The following ASZ1 variants were observed in gnomAD, a reference collection of about 807,000 sequenced individuals.
The protein encoded by ASZ1 is ankyrin repeat, SAM and basic leucine zipper domain containing 1.
In ASZ1, 67 loss-of-function variants were observed where a neutral mutation model predicts 61.8. That is an observed-to-expected ratio of 1.08 (90% CI 0.89 to 1.33). ASZ1 has a LOEUF of 1.33. Among genes scored for constraint, ASZ1 ranks in the 40% most tolerant of loss-of-function variants. ASZ1 has a pLI of 0.00. For missense variants in ASZ1, 577 were observed against 554.5 expected, an observed-to-expected ratio of 1.04 and a Z score of -0.41; for synonymous variants, 193 against 192.7, an observed-to-expected ratio of 1.00 and a Z score of -0.01.
At chr7:117,390,246 C>T (rs751329423) in intron 4 of ASZ1, among the ~76,000 whole-genome samples, 6 of 151,796 alleles carry the variant, frequency 4.0e-5, no homozygotes, top group Admixed American at 6.6e-5. Context: ...CATGGCTCAC[C>T]GCAGCCTCAA....
intron 10 of ASZ1, among the ~76,000 whole-genome samples, chr7:117,379,305 A>AACT (rs1796207136): frequency 6.6e-6 from 1 of 151,356 alleles, no homozygotes; most frequent in East Asian, 1.9e-4. Flanking sequence ...TACTGGGCAA[A>AACT]ACTAGGTACA....
intron 4 of ASZ1, among the ~76,000 whole-genome samples, chr7:117,387,144 T>TAAAAA (rs577384608): frequency 8.2e-6 from 1 of 121,810 alleles, no homozygotes; most frequent in Non-Finnish European, 1.7e-5. Context: ...TACCTCTACT[T>TAAAAA]AAAAAAAAAA....
intron 4 of ASZ1, among the ~76,000 whole-genome samples, chr7:117,396,232 T>C (rs1760132511): frequency 6.6e-6 from 1 of 152,210 alleles, no homozygotes; most frequent in African/African-American, 2.4e-5. Flanking sequence ...CAAAGTAAAT[T>C]CTCAGTCATT....
At chr7:117,381,098 C>A (rs757672074) in intron 8 of ASZ1, 31 bp from the exon 9 acceptor site, 2 of 1,506,912 alleles carry the variant, frequency 1.3e-6, no homozygotes, top group Non-Finnish European at 1.8e-6. Context: ...GCCACCTTTC[C>A]ATATAATTAA....
At chr7:117,365,263 T>C (rs1452428922) in intron 12 of ASZ1, among the ~76,000 whole-genome samples, 7 of 152,166 alleles carry the variant, frequency 4.6e-5, no homozygotes, top group African/African-American at 1.4e-4. Flanking sequence ...AGTTCTTATA[T>C]AGAAATGCAT....
chr7:117,396,061 A>G (rs1255248081), intron 4 of ASZ1, among the ~76,000 whole-genome samples: 1 of 152,230 alleles, frequency 6.6e-6, no homozygotes, highest in Non-Finnish European at 1.5e-5. Context: ...CTAGCTTTCA[A>G]CATTTACTGG....
rs764284179 is a variant in ASZ1 at position 117,382,072 on chromosome 7, T to C, written c.885A>G (p.Leu295=). 5 of 1,565,988 alleles carry C rather than the reference T, an allele frequency of 3.2e-6. No individual in the cohort carries two copies. Among genetic ancestry groups the C allele is most frequent in the Non-Finnish European group, 3.5e-6 (4 of 1,137,064 alleles). ...GLGLEHMTDL[L]KERDITLRHL... is the part of the protein sequence containing the mutation. Reference sequence around the variant, plus strand: ...TGTAGGTTATATAAGATCTTACCTTTAGTAAATCTGTCATATGTTCAAGTC... The same window carrying C: ...TGTAGGTTATATAAGATCTTACCTTCAGTAAATCTGTCATATGTTCAAGTC... Residue 295 remains leucine (L), a synonymous_variant, in exon 8 of 13, where the codon CTA becomes CTG. Coordinates refer to ENST00000284629, the MANE Select transcript of ASZ1 (RefSeq NM_130768.3).
At chr7:117,370,359 G>A (rs2116448412) in intron 10 of ASZ1, among the ~76,000 whole-genome samples, 1 of 152,228 alleles carries the variant, frequency 6.6e-6, no homozygotes, top group South Asian at 2.1e-4. Flanking sequence ...AGCCACTAAA[G>A]GAAACGTAGC....
At chr7:117,371,191 A>G (rs1010360262) in intron 10 of ASZ1, among the ~76,000 whole-genome samples, 7 of 152,162 alleles carry the variant, frequency 4.6e-5, no homozygotes, top group Non-Finnish European at 8.8e-5. Context: ...ATACTATACA[A>G]AGTTTCTTAC....
At position 117,426,849 on chromosome 7, in the gene ASZ1, C is replaced by A; in HGVS notation, c.192G>T (p.Glu64Asp). ...MTIGDVSLVQELLDSGISVDS... is the reference protein window; with the variant it reads ...MTIGDVSLVQDLLDSGISVDS... ...CTTATCTCTCACCAGAATCTAGGAGCTCCTGGACCAATGAAACATCTCCGA... is the reference window on the plus strand; with the variant it reads ...CTTATCTCTCACCAGAATCTAGGAGATCCTGGACCAATGAAACATCTCCGA... Residue 64 changes from glutamate (E) to aspartate (D), a missense_variant, in exon 2 of 13, where the codon GAG becomes GAT. Coordinates refer to ENST00000284629, the MANE Select transcript of ASZ1 (RefSeq NM_130768.3). 6.2e-7 allele frequency: 1 copy of A among 1,609,156 alleles called. No individual in the cohort carries two copies. Among genetic ancestry groups the A allele is most frequent in the Admixed American group, 1.7e-5 (1 of 58,990 alleles).
Position 117,367,345 on chromosome 7 carries a change from T to C in ASZ1, c.1275+7A>G. The C allele has an allele frequency of 6.6e-7, 1 of 1,509,748 alleles. No individual in the cohort carries two copies. The highest frequency in any genetic ancestry group is 8.9e-7 in the Non-Finnish European group (1 of 1,129,854). 93.5% of individuals were successfully genotyped at this position (1,509,748 alleles called of 1,614,324 possible). A position where few individuals can be genotyped will look rare whatever the true frequency, so the allele number is the denominator to read the frequency against. On this transcript the variant is annotated splice_region_variant and intron_variant, in intron 12 of 12. Transcript: ENST00000284629. ...TTTTTCCCCTCCTTTTAATGTTAAA[T>C]ATATACCTTTTGAATTAGGTCTTTT...
In ASZ1 at chr7:117,367,392, A is replaced by T; in HGVS notation, c.1235T>A (p.Leu412Ter). 6.4e-7 allele frequency: 1 copy of T among 1,570,736 alleles called. No homozygotes were observed. The highest frequency in any genetic ancestry group is 8.6e-7 in the Non-Finnish European group (1 of 1,160,766). The change falls in exon 12 of 13, where the codon TTG (leucine) becomes TAG (stop). Residue 412 changes from leucine (L) to a stop codon, truncating the protein, a stop_gained. Transcript: ENST00000284629. LOFTEE classifies it high-confidence loss of function. ...CEELVNNVED[L>*]SEKVCKLKDL... ...TTTTAGTTTGCAGACCTTTTCACTC[A>T]AATCTTCAACATTATTAACCAATTC...
intron 7 of ASZ1, 33 bp downstream of exon 7, chr7:117,382,953 G>A (rs769745454): frequency 1.3e-6 from 2 of 1,488,134 alleles, no homozygotes; most frequent in Non-Finnish European, 1.8e-6. Flanking sequence ...TTTACTTATA[G>A]GTATTCTGTT....
intron 1 of ASZ1, 23 bp from the exon 2 acceptor site, chr7:117,426,958 A>C: frequency 6.4e-7 from 1 of 1,571,100 alleles, no homozygotes; most frequent in Non-Finnish European, 8.6e-7. Flanking sequence ...ACATTTTAAA[A>C]AATTCTTGTT....
chr7:117,385,479 T>G (rs1796335996), intron 5 of ASZ1, among the ~76,000 whole-genome samples: 1 of 152,112 alleles, frequency 6.6e-6, no homozygotes, highest in Admixed American at 6.6e-5. Context: ...CAGGCTGGTC[T>G]CAAATTCCTA....
At chr7:117,422,745 A>G (rs1409451943) in intron 2 of ASZ1, among the ~76,000 whole-genome samples, 4 of 152,186 alleles carry the variant, frequency 2.6e-5, no homozygotes, top group African/African-American at 7.2e-5. Context: ...TCTATGGTTG[A>G]AAATACCACA....
At chr7:117,383,276 T>C (rs1206612751) in intron 6 of ASZ1, among the ~76,000 whole-genome samples, 166 bp from the exon 7 acceptor site, 2 of 152,060 alleles carry the variant, frequency 1.3e-5, no homozygotes, top group Non-Finnish European at 2.9e-5. Context: ...TTTAAAAAAA[T>C]GATATATCAC....
At chr7:117,371,601 A>G (rs1038441137) in intron 10 of ASZ1, among the ~76,000 whole-genome samples, 1 of 152,144 alleles carries the variant, frequency 6.6e-6, no homozygotes, top group Non-Finnish European at 1.5e-5. Context: ...TATATGACAC[A>G]TTTCTGCCAA....
intron 10 of ASZ1, among the ~76,000 whole-genome samples, chr7:117,372,963 A>G (rs1796075088): frequency 1.3e-5 from 2 of 152,148 alleles, no homozygotes; most frequent in Non-Finnish European, 2.9e-5. Flanking sequence ...CCTGATGTTC[A>G]GTATTTAGAG....
Sources: allele counts gnomAD v4.1 joint callset (sites outside exome capture counted in the v4.1 genomes callset), GRCh38; gene constraint gnomAD v4.1.1; transcripts MANE v1.5; gene names NCBI Gene and HGNC (gene_info 2026-07-23, HGNC 2026-07-21).